The following RAPGEF1 variants were observed in gnomAD, a reference collection of about 807,000 sequenced individuals.
RAPGEF1 encodes CRK SH3-binding GNRP.
In RAPGEF1, 33 loss-of-function variants were observed where a neutral mutation model predicts 143.3. The ratio of observed to expected loss-of-function variants is 0.23; its 90% CI spans 0.17 to 0.31. RAPGEF1 has a LOEUF of 0.31. RAPGEF1 is among the 10% of genes least tolerant of loss of function. The pLI, the probability that RAPGEF1 is intolerant of heterozygous loss-of-function variation, is 1.00. For synonymous variants in RAPGEF1, 629 were observed against 676.5 expected (o/e 0.93, Z 1.09); for missense variants, 1,199 against 1,645.4 (o/e 0.73, Z 4.69).
intron 1 of RAPGEF1, among the ~76,000 whole-genome samples, chr9:131,727,916 G>A (rs1836780327): frequency 6.6e-6 from 1 of 152,186 alleles, no homozygotes; most frequent in African/African-American, 2.4e-5. Context: ...CTCTTGACAA[G>A]CTGAGGCAGA....
chr9:131,619,155 T>A lies in RAPGEF1; in HGVS notation c.1957A>T (p.Thr653Ser), dbSNP rs1228145675. 1 of 1,314,754 alleles carries A rather than the reference T, an allele frequency of 7.6e-7. No individual in the cohort carries two copies. The highest frequency in any genetic ancestry group is 1.0e-6 in the Non-Finnish European group (1 of 995,588). The allele number at this position is 1,314,754 out of a possible 1,614,324, so 81.4% of individuals were successfully genotyped here. A position where few individuals can be genotyped will look rare whatever the true frequency, so the allele number is the denominator to read the frequency against. The change falls in exon 12 of 27, where the codon ACT (threonine) becomes TCT (serine). Residue 653 changes from threonine to serine, a missense_variant. Transcript: ENST00000683357. ...TCCTCGGGGGTGAAGGCCACTTTAG[T>A]TTGCTGGACACAGTGGGAGACAGAG... ...FSSVSHCVQQ[T>S]KVAFTPEDGS...
At chr9:131,668,059 A>G (rs1830715450) in intron 1 of RAPGEF1, among the ~76,000 whole-genome samples, 1 of 152,236 alleles carries the variant, frequency 6.6e-6, no homozygotes, top group African/African-American at 2.4e-5. Flanking sequence ...AAAAATTCTA[A>G]TAACTTAAGC....
chr9:131,668,005 T>G (rs1169344513), intron 1 of RAPGEF1, among the ~76,000 whole-genome samples: 1 of 152,232 alleles, frequency 6.6e-6, no homozygotes. Flanking sequence ...CCATCTTCAG[T>G]GGACAGCTGT....
At chr9:131,616,803 C>T (rs1452088927) in intron 12 of RAPGEF1, among the ~76,000 whole-genome samples, 1 of 152,218 alleles carries the variant, frequency 6.6e-6, no homozygotes, top group Admixed American at 6.5e-5. Context: ...GTCTGGGGCT[C>T]ATCTCAGAAT....
chr9:131,620,653 A>G (rs1813166707), intron 11 of RAPGEF1, among the ~76,000 whole-genome samples: 1 of 152,132 alleles, frequency 6.6e-6, no homozygotes, highest in Non-Finnish European at 1.5e-5. Flanking sequence ...CCTCTACTGG[A>G]CATGGCCACC....
intron 1 of RAPGEF1, among the ~76,000 whole-genome samples, chr9:131,680,826 G>A (rs1267772777): frequency 1.3e-5 from 2 of 152,186 alleles, no homozygotes; most frequent in East Asian, 3.9e-4. Context: ...CTGTGTGTGT[G>A]TCTTTAATTC....
chr9:131,639,805 A>T (rs3824396), intron 4 of RAPGEF1, among the ~76,000 whole-genome samples: 5,967 of 152,290 alleles, frequency 0.039, 240 homozygotes, highest in East Asian at 0.089. Context: ...ATATTGTAAG[A>T]TATGATTAAA....
Position 131,724,574 on chromosome 9 carries a change from G to A in RAPGEF1, c.61+15196C>T, listed in dbSNP as rs970594912. On this transcript the variant is annotated intron_variant, in intron 1 of 26. Transcript: ENST00000683357. Reference sequence around the variant, plus strand: ...CACGCCACTGCACTCCAGCCTGGGCGACTGAGCGAGATTCCGGCTCAGAAA... The same window carrying A: ...CACGCCACTGCACTCCAGCCTGGGCAACTGAGCGAGATTCCGGCTCAGAAA... Among the ~76,000 whole-genome samples the A allele has an allele frequency of 4.6e-5, 7 of 152,182 alleles. 1 individual carries two copies. The South Asian group carries it at 6.2e-4, about 14-fold the overall frequency.
At chr9:131,620,533 TG>T (rs1960566463) in intron 11 of RAPGEF1, among the ~76,000 whole-genome samples, 1 of 152,144 alleles carries the variant, frequency 6.6e-6, no homozygotes, top group South Asian at 2.1e-4. Context: ...ATTGTGTCTG[TG>T]GGACGGGCAG....
chr9:131,703,652 G>A (rs1420770087), intron 1 of RAPGEF1, among the ~76,000 whole-genome samples: 1 of 152,186 alleles, frequency 6.6e-6, no homozygotes, highest in Non-Finnish European at 1.5e-5. Flanking sequence ...CTGGGCTCCA[G>A]AGTTCTAAAG....
chr9:131,709,480 C>A, intron 1 of RAPGEF1: 1 of 704,728 alleles, frequency 1.4e-6, no homozygotes. Context: ...TGTGAATTTT[C>A]TTGAAATCAT....
intron 12 of RAPGEF1, among the ~76,000 whole-genome samples, chr9:131,609,934 T>C (rs1957765016): frequency 6.6e-6 from 1 of 152,214 alleles, no homozygotes; most frequent in African/African-American, 2.4e-5. Context: ...TCTCGCTCTG[T>C]CACCCAGGTT....
chr9:131,736,766 A>G (rs13302530), intron 1 of RAPGEF1, among the ~76,000 whole-genome samples: 2 of 152,082 alleles, frequency 1.3e-5, no homozygotes, highest in Non-Finnish European at 2.9e-5. Flanking sequence ...TTCTACTTTC[A>G]GGGAGAGGAG....
chr9:131,619,108 G>T lies in RAPGEF1; in HGVS notation c.2004C>A (p.Leu668=), dbSNP rs1319288721. Residue 668 remains leucine, a synonymous_variant, in exon 12 of 27, where the codon CTC becomes CTA. Transcript: ENST00000683357. ...GAAAGGAGTTAGAGACGGACACACT[G>T]AGGCCCTGAGCGGCACTGCCGTCCT... ...TPEDGSAAQG[L]SVSVSNSFLS... is the part of the protein sequence containing the mutation. 7.4e-7 allele frequency: 1 copy of T among 1,351,544 alleles called. No homozygotes were observed. The highest frequency in any genetic ancestry group is 2.0e-5 in the Admixed American group (1 of 50,380). 83.7% of individuals were successfully genotyped at this position (1,351,544 alleles called of 1,614,324 possible).
intron 1 of RAPGEF1, among the ~76,000 whole-genome samples, chr9:131,727,355 G>T (rs1224749415): frequency 1.3e-5 from 2 of 152,044 alleles, no homozygotes; most frequent in Non-Finnish European, 2.9e-5. Flanking sequence ...TTTCTCCCTG[G>T]GGACAAGGTC....
intron 12 of RAPGEF1, among the ~76,000 whole-genome samples, chr9:131,614,979 A>G (rs146059965): frequency 6.6e-6 from 1 of 152,354 alleles, no homozygotes; most frequent in Non-Finnish European, 1.5e-5. Context: ...ACAGATTTCT[A>G]GCACCCAAAT....
At chr9:131,653,065 G>A (rs777627009) in intron 1 of RAPGEF1, among the ~76,000 whole-genome samples, 10 of 152,126 alleles carry the variant, frequency 6.6e-5, no homozygotes, top group Non-Finnish European at 1.2e-4. Flanking sequence ...CTGAAATGTC[G>A]TTATGCAGAG....
rs1952149457 is a variant in RAPGEF1, at chr9:131,583,190, G to A, written c.3415-488C>T. 1.3e-5 allele frequency among the ~76,000 whole-genome samples: 2 copies of A among 152,132 alleles called. No individual in the cohort carries two copies. Among genetic ancestry groups the A allele is most frequent in the African/African-American group, 4.8e-5 (2 of 41,418 alleles). ...GGGCTGGGTGGCTTCTCTCCTGCAG[G>A]GGTGGGGGGCTCCCACCTAGGAGAC... On this transcript the variant is annotated intron_variant, in intron 24 of 26. Transcript: ENST00000683357. This position sits in a 1 kb window ranked among gnomAD's most constrained non-coding sequence, Gnocchi z 4.7.
chr9:131,671,815 G>A (rs984071052), intron 1 of RAPGEF1, among the ~76,000 whole-genome samples: 11 of 152,166 alleles, frequency 7.2e-5, no homozygotes, highest in Non-Finnish European at 1.5e-5. Flanking sequence ...GGGTGGATTT[G>A]TGGATTACTC....
Sources: gnomAD v4.1 joint callset for allele counts (sites outside exome capture counted in the v4.1 genomes callset) on GRCh38, gnomAD v4.1.1 for gene constraint, Gnocchi (gnomAD v3.1) non-coding constraint, MANE v1.5 for transcripts, NCBI Gene and HGNC (gene_info 2026-07-23, HGNC 2026-07-21) for gene names.